Variants in HCN2 observed in about 807,000 individuals in gnomAD.
HCN2 encodes the protein potassium/sodium hyperpolarization-activated cyclic nucleotide-gated channel 2.
A neutral mutation model predicts 52.3 loss-of-function variants in HCN2; 20 were observed. The observed-to-expected ratio is 0.38, with a 90% CI of 0.27 to 0.56. The LOEUF is 0.56. Among genes scored for constraint, HCN2 ranks in the 20% least tolerant of loss-of-function variants. The pLI is 0.71. For missense variants in HCN2, 981 were observed against 1,207.7 expected (o/e 0.81, Z 2.78); for synonymous variants, 694 against 537.0 (o/e 1.29, Z -4.04).
chr19:612,392 T>TGGTGGG (rs1468317589), intron 5 of HCN2, among the ~76,000 whole-genome samples: 3 of 62,340 alleles, frequency 4.8e-5, no homozygotes, highest in African/African-American at 1.6e-4. Context: ...AGCTTTCCAC[T>TGGTGGG]GGTGTGTGTG....
intron 1 of HCN2, among the ~76,000 whole-genome samples, chr19:595,970 C>G (rs570151618): frequency 6.6e-6 from 1 of 152,196 alleles, no homozygotes; most frequent in East Asian, 1.9e-4. Context: ...TTCCCCAACC[C>G]GGGACTCAGG....
Position 616,309 on chromosome 19 carries a change from G to A in HCN2, c.2505G>A (p.Ala835=), listed in dbSNP as rs562729452. 2.7e-6 allele frequency: 3 copies of A among 1,114,594 alleles called. No homozygotes were observed. The highest frequency in any genetic ancestry group is 1.7e-5 in the African/African-American group (1 of 58,662). The allele number at this position is 1,114,594 out of a possible 1,614,324, so 69.0% of individuals were successfully genotyped here. ...PSLPHGAPGP[A]ASTRPASSST... is the part of the protein sequence containing the mutation. ...TGCCTCACGGCGCCCCCGGCCCCGCGGCCTCCACACGCCCGGCCAGCAGCT... is the reference window on the plus strand; with the variant it reads ...TGCCTCACGGCGCCCCCGGCCCCGCAGCCTCCACACGCCCGGCCAGCAGCT... Residue 835 remains alanine, a synonymous_variant, in exon 8 of 8, where the codon GCG becomes GCA. Transcript: ENST00000251287.
In HCN2 at chr19:616,027, G is replaced by C. The variant is rs1322697315; in HGVS notation, c.2223G>C (p.Gln741His). ...QQAAAMSFCP[Q>H]VARPLVGPLA... is the part of the protein sequence containing the mutation. ...CGGCGGCCATGAGCTTCTGCCCGCA[G>C]GTGGCGCGGCCGCTCGTGGGGCCGC... is the stretch of plus-strand genomic sequence containing the variant. Residue 741 changes from glutamine to histidine, a missense_variant, in exon 8 of 8, where the codon CAG becomes CAC. Gln to His is a conservative substitution (Grantham distance 24). Around this residue, in one of 6 missense-constraint regions of HCN2, gnomAD observed 368 missense variants for 314.8 expected, o/e 1.17. Coordinates refer to ENST00000251287, the MANE Select transcript of HCN2 (RefSeq NM_001194.4). 3 of 1,349,414 alleles carry C rather than the reference G, an allele frequency of 2.2e-6. No individual in the cohort carries two copies. The highest frequency in any genetic ancestry group is 2.8e-6 in the Non-Finnish European group (3 of 1,056,838). The allele number at this position is 1,349,414 out of a possible 1,614,324, so 83.6% of individuals were successfully genotyped here.
At chr19:599,050 A>C (rs1341824990) in intron 1 of HCN2, among the ~76,000 whole-genome samples, 2 of 152,234 alleles carry the variant, frequency 1.3e-5, no homozygotes, top group East Asian at 3.8e-4. Context: ...AACTTGTCCA[A>C]GGTCACTGTG....
chr19:608,386 C>G (rs1439602358), intron 4 of HCN2, among the ~76,000 whole-genome samples: 1 of 128,730 alleles, frequency 7.8e-6, no homozygotes, highest in Non-Finnish European at 1.8e-5. Flanking sequence ...AGGGGCGGGC[C>G]CGGCCCCGGG....
chr19:617,112 A>AACCCCCC lies in HCN2; in HGVS notation c.*644_*645insCACCCCC. On this transcript the variant is annotated 3_prime_UTR_variant, in exon 8 of 8. Coordinates refer to ENST00000251287, the MANE Select transcript of HCN2 (RefSeq NM_001194.4). ...CCACCGTGGCCCCCCACGCCCCATT[A>AACCCCCC]ACCCCCACACCCCCATTCCGCGCAA... The AACCCCCC allele has an allele frequency of 2.1e-6, 1 of 473,210 alleles. No homozygotes were observed. The highest frequency in any genetic ancestry group is 3.7e-6 in the Non-Finnish European group (1 of 268,638). The allele number at this position is 473,210 out of a possible 1,614,324, so 29.3% of individuals were successfully genotyped here. A position where few individuals can be genotyped will look rare whatever the true frequency, so the allele number is the denominator to read the frequency against.
rs1982816479 is a variant in HCN2, at chr19:590,040, A to C, written c.95A>C (p.Gln32Pro). Residue 32 changes from glutamine (Q) to proline (P), a missense_variant, in exon 1 of 8, where the codon CAA becomes CCA. Physicochemically the swap from Gln to Pro is moderately conservative, Grantham distance 76. Transcript: ENST00000251287. The surrounding 1 kb of genome is among the most constrained non-coding windows in gnomAD (Gnocchi z 7.2). Reference sequence around the variant, plus strand: ...CCGCCGCCGCCGCCCGCGCCCCCCCAACAGCAGCCGCCGCCGCCGCCGCCG... The same window carrying C: ...CCGCCGCCGCCGCCCGCGCCCCCCCCACAGCAGCCGCCGCCGCCGCCGCCG... ...PPPPPPPAPP[Q>P]QQPPPPPPPA... is the part of the protein sequence containing the mutation. The C allele has an allele frequency of 2.8e-5, 14 of 507,952 alleles. No homozygotes were observed. The highest frequency in any genetic ancestry group is 3.1e-5 in the Non-Finnish European group (13 of 413,414). 31.5% of individuals were successfully genotyped at this position (507,952 alleles called of 1,614,324 possible). A position where few individuals can be genotyped will look rare whatever the true frequency, so the allele number is the denominator to read the frequency against.
Position 603,954 on chromosome 19 carries a change from A to G in HCN2, c.1043A>G (p.His348Arg). The change falls in exon 2 of 8, where the codon CAT becomes CGT. Residue 348 changes from histidine (H) to arginine (R), a missense_variant. By Grantham distance (29) the His-to-Arg change is conservative. Around this residue, in one of 6 missense-constraint regions of HCN2, gnomAD observed 282 missense variants for 553.8 expected, o/e 0.51. Transcript: ENST00000251287. ...LRLSRLIRYIHQWEEIFHMTY... is the reference protein window; with the variant it reads ...LRLSRLIRYIRQWEEIFHMTY... ...CTCTCACGCCTGATCCGCTACATCCATCAGTGGGAGGAGGTGAGGTGGGGC... is the reference window on the plus strand; with the variant it reads ...CTCTCACGCCTGATCCGCTACATCCGTCAGTGGGAGGAGGTGAGGTGGGGC... 7.0e-7 allele frequency: 1 copy of G among 1,423,044 alleles called. No individual in the cohort carries two copies. Among genetic ancestry groups the G allele is most frequent in the Non-Finnish European group, 9.5e-7 (1 of 1,057,578 alleles). 88.2% of individuals were successfully genotyped at this position (1,423,044 alleles called of 1,614,324 possible). A position where few individuals can be genotyped will look rare whatever the true frequency, so the allele number is the denominator to read the frequency against.
intron 3 of HCN2, among the ~76,000 whole-genome samples, chr19:606,855 A>T (rs79629640): frequency 1.3e-5 from 2 of 150,656 alleles, no homozygotes; most frequent in East Asian, 2.0e-4. Context: ...TGTCTCAAAA[A>T]AAATAAATAA....
At chr19:599,623 C>CAA (rs78398568) in intron 1 of HCN2, among the ~76,000 whole-genome samples, 4 of 127,624 alleles carry the variant, frequency 3.1e-5, no homozygotes, top group Admixed American at 1.6e-4. Context: ...ACTAAAAATA[C>CAA]AAAAAAAAAA....
Position 589,888 on chromosome 19 carries a change from G to T in HCN2, c.-58G>T. On this transcript the variant is annotated 5_prime_UTR_variant, in exon 1 of 8. Transcript: ENST00000251287. ...CGCCCCCGCCTCCCCCCTCCCTCGG[G>T]CTCCGGCCGGCGGCGGCGGCGGCGG... is the stretch of plus-strand genomic sequence containing the variant. 1.5e-5 allele frequency: 9 copies of T among 605,718 alleles called. No individual in the cohort carries two copies. The highest frequency in any genetic ancestry group is 1.8e-5 in the Non-Finnish European group (9 of 498,312). 37.5% of individuals were successfully genotyped at this position (605,718 alleles called of 1,614,324 possible).
At chr19:609,924 T>C (rs1365244774) in intron 4 of HCN2, among the ~76,000 whole-genome samples, 2 of 152,180 alleles carry the variant, frequency 1.3e-5, no homozygotes, top group African/African-American at 2.4e-5. Flanking sequence ...GAATTTATCA[T>C]TGAAACGAAT....
rs894766045 is a variant in HCN2, at chr19:590,711, G to C, written c.632+134G>C. 8.3e-6 allele frequency: 5 copies of C among 599,802 alleles called. No individual in the cohort carries two copies. The Admixed American group carries it at 1.9e-4, about 23-fold the overall frequency. The allele number at this position is 599,802 out of a possible 1,614,324, so 37.2% of individuals were successfully genotyped here. On this transcript the variant is annotated intron_variant, in intron 1 of 7. Coordinates refer to ENST00000251287, the MANE Select transcript of HCN2 (RefSeq NM_001194.4). The surrounding 1 kb of genome is among the most constrained non-coding windows in gnomAD (Gnocchi z 7.2). Reference sequence around the variant, plus strand: ...GACCTCGGGGCTCCTCGGTGACCTCGGGCGTGTCCGGGACCCGCCCCGGAG... The same window carrying C: ...GACCTCGGGGCTCCTCGGTGACCTCCGGCGTGTCCGGGACCCGCCCCGGAG...
At chr19:599,696 G>T (rs533224942) in intron 1 of HCN2, among the ~76,000 whole-genome samples, 1 of 152,226 alleles carries the variant, frequency 6.6e-6, no homozygotes, top group Admixed American at 6.5e-5. Context: ...GGTGAGGCAA[G>T]AGAATGGTGT....
rs1163475098 is a variant in HCN2, at chr19:616,928, C to T, written c.*454C>T. 12 of 362,102 alleles carry T rather than the reference C, an allele frequency of 3.3e-5. No individual in the cohort carries two copies. Among genetic ancestry groups the T allele is most frequent in the Middle Eastern group, 8.9e-4 (1 of 1,120 alleles). 22.4% of individuals were successfully genotyped at this position (362,102 alleles called of 1,614,324 possible). On this transcript the variant is annotated 3_prime_UTR_variant, in exon 8 of 8. Transcript: ENST00000251287. ...CGCGCTCACGCAATAACCGGCCCGG[C>T]CCCCGTCCGCGCGCGTCCCCCGGTG...
chr19:604,649 A>G (rs7250810), intron 2 of HCN2, among the ~76,000 whole-genome samples: 29 of 53,750 alleles, frequency 5.4e-4, no homozygotes, highest in East Asian at 4.0e-3. Context: ...CAAGGGCGGG[A>G]CTATGAGGGT....
chr19:604,057 A>G, intron 2 of HCN2, 90 bp downstream of exon 2: 1 of 626,690 alleles, frequency 1.6e-6, no homozygotes, highest in Non-Finnish European at 2.4e-6. Flanking sequence ...CGGGGCTATA[A>G]TGGTGCATGG....
chr19:614,759 G>T (rs866737622), intron 7 of HCN2, among the ~76,000 whole-genome samples: 1 of 152,116 alleles, frequency 6.6e-6, no homozygotes, highest in Non-Finnish European at 1.5e-5. Context: ...TGGTCAGATT[G>T]TATCCGCCAA....
intron 1 of HCN2, among the ~76,000 whole-genome samples, chr19:593,889 C>G (rs4919813): frequency 0.6 from 90,520 of 151,998 alleles, 28,410 homozygotes; most frequent in African/African-American, 0.8. Flanking sequence ...TGGCCTTATG[C>G]AACCCCCAGG....
Sources: allele counts gnomAD v4.1 joint callset (sites outside exome capture counted in the v4.1 genomes callset), GRCh38; gene constraint gnomAD v4.1.1; regional missense constraint gnomAD v4.1.1; non-coding constraint Gnocchi (gnomAD v3.1); transcripts MANE v1.5; gene names NCBI Gene and HGNC (gene_info 2026-07-23, HGNC 2026-07-21).